Variants in MAPK14 observed in about 807,000 individuals in gnomAD.
MAPK14 encodes mitogen-activated protein kinase 14, also known as CSAID-binding protein.
A neutral mutation model predicts 49.6 loss-of-function variants in MAPK14; 16 were observed. The ratio of observed to expected loss-of-function variants is 0.32; its 90% CI spans 0.22 to 0.49. MAPK14 has a LOEUF of 0.49. Ranked by LOEUF, MAPK14 falls within the 20% of genes least tolerant of loss-of-function variation. MAPK14 has a pLI of 0.99. For missense variants in MAPK14, 200 were observed against 441.2 expected, an observed-to-expected ratio of 0.45 and a Z score of 4.90; for synonymous variants, 142 against 158.0, an observed-to-expected ratio of 0.90 and a Z score of 0.76.
At chr6:36,046,155 G>A (rs954570816) in intron 1 of MAPK14, among the ~76,000 whole-genome samples, 1 of 152,174 alleles carries the variant, frequency 6.6e-6, no homozygotes, top group African/African-American at 2.4e-5. Context: ...CAGTAGATGA[G>A]TGAGAATGAC....
At chr6:36,103,712 C>A (rs918406265) in intron 10 of MAPK14, among the ~76,000 whole-genome samples, 60 of 152,234 alleles carry the variant, frequency 3.9e-4, no homozygotes, top group African/African-American at 1.2e-3. Flanking sequence ...GAGGCTCATT[C>A]CCTGACTCTT....
In MAPK14 at chr6:36,028,791, C is replaced by CTTTTTTTT. The variant is rs111234964; in HGVS notation, c.116+532_116+539dup. On this transcript the variant is annotated intron_variant, in intron 1 of 11. Transcript: ENST00000229794. This position sits in a 1 kb window ranked among gnomAD's most constrained non-coding sequence, Gnocchi z 5.1. ...ACCAGGAAGGGAGCTCTCTCCGGGC[C>CTTTTTTTT]TTTTTTTTTTTTTTTTTTTTTCAAA... Among the ~76,000 whole-genome samples the CTTTTTTTT allele has an allele frequency of 1.7e-4, 17 of 100,384 alleles. No homozygotes were observed. Among genetic ancestry groups the CTTTTTTTT allele is most frequent in the African/African-American group, 5.8e-4 (16 of 27,602 alleles). The allele number at this position is 100,384 out of a possible 152,430, so 65.9% of individuals were successfully genotyped here. A position where few individuals can be genotyped will look rare whatever the true frequency, so the allele number is the denominator to read the frequency against.
the MAPK14 span, among the ~76,000 whole-genome samples, chr6:36,121,205 C>T: frequency 6.6e-6 from 1 of 152,110 alleles, no homozygotes; most frequent in Admixed American, 6.5e-5. Flanking sequence ...TTGGAGGATC[C>T]GATTAGCAAG....
At chr6:36,085,713 A>G (rs1432815358) in intron 8 of MAPK14, among the ~76,000 whole-genome samples, 2 of 152,204 alleles carry the variant, frequency 1.3e-5, no homozygotes, top group African/African-American at 2.4e-5. Flanking sequence ...CCATACAATA[A>G]TAGTGTGAGA....
At chr6:36,120,712 C>G in the MAPK14 span, among the ~76,000 whole-genome samples, 3 of 152,200 alleles carry the variant, frequency 2.0e-5, no homozygotes, top group Admixed American at 2.0e-4. Flanking sequence ...AAGCTTGCCC[C>G]AGTTGACACT....
chr6:36,064,978 A>C (rs1402574300), intron 3 of MAPK14, among the ~76,000 whole-genome samples: 1 of 152,190 alleles, frequency 6.6e-6, no homozygotes, highest in Non-Finnish European at 1.5e-5. Context: ...TTGAGTACAG[A>C]CAACCACATT....
In MAPK14 at chr6:36,109,477, A is replaced by G. The variant is rs201120795; in HGVS notation, c.*1030A>G. 6.5e-6 allele frequency: 1 copy of G among 152,686 alleles called. No homozygotes were observed. The highest frequency in any genetic ancestry group is 2.4e-5 in the African/African-American group (1 of 41,452). 9.5% of individuals were successfully genotyped at this position (152,686 alleles called of 1,614,324 possible). A position where few individuals can be genotyped will look rare whatever the true frequency, so the allele number is the denominator to read the frequency against. Reference sequence around the variant, plus strand: ...GTTTGCCAGTGAAGACTTCTTGGGTAGTTTAGATCCCATGTCACCTCAGCT... The same window carrying G: ...GTTTGCCAGTGAAGACTTCTTGGGTGGTTTAGATCCCATGTCACCTCAGCT... On this transcript the variant is annotated 3_prime_UTR_variant, in exon 12 of 12. Coordinates refer to ENST00000229794, the MANE Select transcript of MAPK14 (RefSeq NM_139012.3).
chr6:36,122,895 A>C, the MAPK14 span, among the ~76,000 whole-genome samples: 3 of 152,058 alleles, frequency 2.0e-5, no homozygotes, highest in Non-Finnish European at 4.4e-5. Flanking sequence ...GAACTCAGCT[A>C]CCTCTCTACT....
intron 3 of MAPK14, 91 bp from the exon 4 acceptor site, chr6:36,072,782 C>G: frequency 1.4e-6 from 1 of 728,592 alleles, no homozygotes; most frequent in East Asian, 2.7e-5. Flanking sequence ...AAACAAAAAC[C>G]AAAAAAACCA....
intron 1 of MAPK14, among the ~76,000 whole-genome samples, chr6:36,051,658 A>G (rs1763404120): frequency 6.6e-6 from 1 of 152,160 alleles, no homozygotes; most frequent in Non-Finnish European, 1.5e-5. Context: ...TCAGTAGCAT[A>G]AGCTCTGGAT....
Position 36,110,790 on chromosome 6 carries a change from CTT to C in MAPK14, c.*2344_*2345del, listed in dbSNP as rs1287030954. Reference sequence around the variant, plus strand: ...TTTCTCAAGTTTATTATATTTTTCTCTTGTTTTTATTTAATGCACAATATGGC... The same window carrying C: ...TTTCTCAAGTTTATTATATTTTTCTCGTTTTTATTTAATGCACAATATGGC... On this transcript the variant is annotated 3_prime_UTR_variant, in exon 12 of 12. Transcript: ENST00000229794. 3.3e-5 allele frequency: 5 copies of C among 152,156 alleles called. No individual in the cohort carries two copies. The highest frequency in any genetic ancestry group is 1.9e-4 in the East Asian group (1 of 5,202). The allele number at this position is 152,156 out of a possible 1,614,324, so 9.4% of individuals were successfully genotyped here.
At chr6:36,094,419 G>A (rs1482411996) in intron 8 of MAPK14, among the ~76,000 whole-genome samples, 3 of 152,218 alleles carry the variant, frequency 2.0e-5, no homozygotes, top group South Asian at 2.1e-4. Flanking sequence ...GGGCATGGCT[G>A]TGTTCTAATA....
chr6:36,066,415 A>C (rs1421155991), intron 3 of MAPK14, among the ~76,000 whole-genome samples: 1 of 152,206 alleles, frequency 6.6e-6, no homozygotes, highest in African/African-American at 2.4e-5. Flanking sequence ...TAAAGAAATG[A>C]GGCATTTCTT....
chr6:36,037,424 A>G lies in MAPK14; in HGVS notation c.116+9151A>G, dbSNP rs557374975. 1.5e-3 allele frequency among the ~76,000 whole-genome samples: 223 copies of G among 152,310 alleles called. 2 individuals are homozygous for G. The Middle Eastern group carries it at 0.017, about 12-fold the overall frequency. ...GCTGAATGTTGGGGGAAAGAAGTAT[A>G]GGAGAGTGAGGAGTCTAGGATTTCT... is the stretch of plus-strand genomic sequence containing the variant. On this transcript the variant is annotated intron_variant, in intron 1 of 11. Transcript: ENST00000229794.
chr6:36,102,523 C>A, intron 9 of MAPK14, 48 bp from the exon 10 acceptor site: 2 of 1,351,038 alleles, frequency 1.5e-6, no homozygotes, highest in Non-Finnish European at 1.1e-6. Flanking sequence ...TCTTTGAGAG[C>A]AGTAACATTA....
the MAPK14 span, among the ~76,000 whole-genome samples, chr6:36,124,174 T>G: frequency 7.7e-6 from 1 of 130,206 alleles, no homozygotes; most frequent in African/African-American, 2.8e-5. Context: ...CTTCCTTCCT[T>G]CCTGCCTTCC....
At chr6:36,084,310 C>T (rs1020840289) in intron 8 of MAPK14, among the ~76,000 whole-genome samples, 1 of 152,188 alleles carries the variant, frequency 6.6e-6, no homozygotes, top group Non-Finnish European at 1.5e-5. Context: ...GATCACAGCA[C>T]CTCTCTGGCA....
chr6:36,051,118 A>T (rs376832687), intron 1 of MAPK14, among the ~76,000 whole-genome samples: 46 of 142,776 alleles, frequency 3.2e-4, no homozygotes, highest in African/African-American at 1.0e-3. Flanking sequence ...TGTTATTACT[A>T]TTTTTTTTTT....
At chr6:36,067,520 G>A (rs540923075) in intron 3 of MAPK14, among the ~76,000 whole-genome samples, 1 of 152,264 alleles carries the variant, frequency 6.6e-6, no homozygotes, top group African/African-American at 2.4e-5. Context: ...TTGTCTGAAA[G>A]CATGCTCAGT....
Sources: gnomAD v4.1 joint callset for allele counts (sites outside exome capture counted in the v4.1 genomes callset) on GRCh38, gnomAD v4.1.1 for gene constraint, Gnocchi (gnomAD v3.1) non-coding constraint, MANE v1.5 for transcripts, NCBI Gene and HGNC (gene_info 2026-07-23, HGNC 2026-07-21) for gene names.